The following DYSF variants were observed in gnomAD, a reference collection of about 807,000 sequenced individuals.
The protein encoded by DYSF is dystrophy-associated fer-1-like 1.
In DYSF, 212 loss-of-function variants were observed where a neutral mutation model predicts 274.9. That is an observed-to-expected ratio of 0.77 (90% CI 0.69 to 0.86). The LOEUF (loss-of-function observed/expected upper bound fraction) is 0.86. Ranked by LOEUF, DYSF falls within the 40% of genes least tolerant of loss-of-function variation. The pLI, the probability that DYSF is intolerant of heterozygous loss-of-function variation, is 0.00. For synonymous variants in DYSF, 1,091 were observed against 1,078.7 expected, an observed-to-expected ratio of 1.01 and a Z score of -0.22; for missense variants, 2,666 against 2,783.2, an observed-to-expected ratio of 0.96 and a Z score of 0.95.
intron 1 of DYSF, among the ~76,000 whole-genome samples, chr2:71,478,401 T>C (rs57851082): frequency 0.17 from 24,970 of 149,964 alleles, 2,869 homozygotes; most frequent in East Asian, 0.59. Context: ...TTAGTAGAGA[T>C]GGGGTTTCAC....
intron 36 of DYSF, among the ~76,000 whole-genome samples, chr2:71,608,949 C>T (rs956142551): frequency 1.1e-4 from 16 of 150,650 alleles, no homozygotes; most frequent in African/African-American, 3.4e-4. Context: ...TTTTTTTGGC[C>T]CCTCTTTGTC....
rs1488878922 is a variant in DYSF at position 71,503,299 on chromosome 2, A to T, written c.325A>T (p.Thr109Ser). The change falls in exon 4 of 56, where the codon ACC becomes TCC. Residue 109 changes from threonine (T) to serine (S), a missense_variant. Coordinates refer to ENST00000410020, the MANE Select transcript of DYSF (RefSeq NM_001130987.2). ...SASFNAPLLD[T>S]KKQPTGASLV... ...CAGCTTCAATGCCCCCCTGCTGGAC[A>T]CCAAGAAGCAGCCCACAGGGGTAAG... The T allele has an allele frequency of 1.9e-6, 3 of 1,613,970 alleles. No individual in the cohort carries two copies. Among genetic ancestry groups the T allele is most frequent in the African/African-American group, 2.7e-5 (2 of 74,900 alleles).
At chr2:71,556,194 C>A in intron 22 of DYSF, 123 bp downstream of exon 22, 2 of 806,554 alleles carry the variant, frequency 2.5e-6, no homozygotes, top group Non-Finnish European at 4.1e-6. Flanking sequence ...GGCCAGCAGT[C>A]CAGCCCGTGC....
At chr2:71,453,596 G>A (rs1264098775) in exon 1 of DYSF, 3 of 324,818 alleles carry the variant, frequency 9.2e-6, no homozygotes, top group African/African-American at 2.2e-5. Flanking sequence ...CCGGGCGCCC[G>A]GAGCCCTAGT....
chr2:71,634,442 TG>T (rs938268119), intron 41 of DYSF, among the ~76,000 whole-genome samples: 3 of 152,194 alleles, frequency 2.0e-5, no homozygotes, highest in African/African-American at 7.2e-5. Flanking sequence ...CTGTTTTTTG[TG>T]GGGCTCTTTC....
chr2:71,508,284 T>C (rs2085704934), intron 4 of DYSF, among the ~76,000 whole-genome samples: 1 of 152,170 alleles, frequency 6.6e-6, no homozygotes, highest in African/African-American at 2.4e-5. Flanking sequence ...AGTTAAGGAC[T>C]TTCTCCTACA....
intron 30 of DYSF, among the ~76,000 whole-genome samples, chr2:71,586,535 T>G (rs1574180126): frequency 6.6e-6 from 1 of 152,050 alleles, no homozygotes; most frequent in African/African-American, 2.4e-5. Flanking sequence ...GACAGTCACT[T>G]GCAGGGCCAG....
intron 4 of DYSF, among the ~76,000 whole-genome samples, chr2:71,509,688 T>G (rs1167934680): frequency 6.6e-6 from 1 of 152,238 alleles, no homozygotes. Flanking sequence ...TTTTCATGTT[T>G]CTATTGTCTC....
At position 71,547,917 on chromosome 2, in the gene DYSF, C is replaced by G. The variant is rs561890853; in HGVS notation, c.1577-3124C>G. Among the ~76,000 whole-genome samples the G allele has an allele frequency of 2.0e-4, 30 of 152,318 alleles. 1 individual carries two copies. The highest frequency in any genetic ancestry group is 3.9e-4 in the East Asian group (2 of 5,178). On this transcript the variant is annotated intron_variant, in intron 17 of 55. Coordinates refer to ENST00000410020, the MANE Select transcript of DYSF (RefSeq NM_001130987.2). ...CCTTGGCCTCATTAGCCCGAGATAA[C>G]GGGCCAGGCCTGTTAGTAATCATTT... is the stretch of plus-strand genomic sequence containing the variant.
intron 3 of DYSF, among the ~76,000 whole-genome samples, chr2:71,500,558 G>A (rs1444645435): frequency 1.3e-5 from 2 of 152,104 alleles, no homozygotes; most frequent in Non-Finnish European, 2.9e-5. Context: ...AGGGGTGGGG[G>A]TGCTACTTCC....
chr2:71,631,581 A>G (rs367738710), intron 41 of DYSF, among the ~76,000 whole-genome samples: 1 of 152,138 alleles, frequency 6.6e-6, no homozygotes, highest in East Asian at 1.9e-4. Flanking sequence ...GCAAATACAA[A>G]TCGCCCATCA....
rs140180254 is a variant in DYSF, at chr2:71,479,901, A to G, written c.92-982A>G. 4.6e-5 allele frequency among the ~76,000 whole-genome samples: 7 copies of G among 152,334 alleles called. No homozygotes were observed. The East Asian group carries it at 1.3e-3, about 29-fold the overall frequency. On this transcript the variant is annotated intron_variant, in intron 1 of 55. Transcript: ENST00000410020. ...GGAGGGTGAAGTGGATTTTGTTTAA[A>G]TGGAAATAAAATTAACATATCATAA...
intron 5 of DYSF, 135 bp downstream of exon 5, chr2:71,512,056 G>T: frequency 3.1e-6 from 2 of 649,120 alleles, no homozygotes; most frequent in Non-Finnish European, 5.7e-6. Flanking sequence ...CCCAGGCCTG[G>T]AAAGAAGAGG....
At chr2:71,680,340 G>A (rs955611904) in intron 53 of DYSF, among the ~76,000 whole-genome samples, 1 of 152,114 alleles carries the variant, frequency 6.6e-6, no homozygotes, top group African/African-American at 2.4e-5. Flanking sequence ...GAGAAGACAG[G>A]CCCCCCTTTT....
At chr2:71,466,570 A>C, upstream of DYSF, 2 of 1,065,588 alleles carry the variant, frequency 1.9e-6, no homozygotes, top group Non-Finnish European at 2.3e-6. Context: ...GCACCCCCAC[A>C]GGCGCCCGTC....
chr2:71,459,083 T>G (rs1465318945), intron 1 of DYSF, among the ~76,000 whole-genome samples: 2 of 152,214 alleles, frequency 1.3e-5, no homozygotes, highest in East Asian at 3.9e-4. Flanking sequence ...CGGACACATA[T>G]TCTTAAATGA....
At chr2:71,676,774 A>G (rs2095229499) in intron 52 of DYSF, among the ~76,000 whole-genome samples, 1 of 152,166 alleles carries the variant, frequency 6.6e-6, no homozygotes, top group Non-Finnish European at 1.5e-5. Context: ...TTCCACCTTC[A>G]TAATTTGTTT....
chr2:71,574,194 G>A lies in DYSF; in HGVS notation c.3229-4G>A, dbSNP rs778918599. ...CCTCTGAGTCTGCCCCTTCTCTTGT[G>A]CAGCACAGGCAGGCGGAGGCGGAGG... is the stretch of plus-strand genomic sequence containing the variant. On this transcript the variant is annotated splice_polypyrimidine_tract_variant and splice_region_variant and intron_variant, in intron 29 of 55. Transcript: ENST00000410020. The A allele has an allele frequency of 1.6e-5, 26 of 1,613,036 alleles. No individual in the cohort carries two copies. Among genetic ancestry groups the A allele is most frequent in the East Asian group, 2.2e-5 (1 of 44,892 alleles).
chr2:71,472,638 C>T (rs1434715405), intron 1 of DYSF, among the ~76,000 whole-genome samples: 2 of 152,202 alleles, frequency 1.3e-5, no homozygotes, highest in Non-Finnish European at 2.9e-5. Context: ...GATCTCCTGA[C>T]TTCGTGATCC....
Sources: gnomAD v4.1 joint callset for allele counts (sites outside exome capture counted in the v4.1 genomes callset) on GRCh38, gnomAD v4.1.1 for gene constraint, MANE v1.5 for transcripts, NCBI Gene and HGNC (gene_info 2026-07-23, HGNC 2026-07-21) for gene names.